MYPN: variants seen among roughly 807,000 people sequenced by gnomAD.
The protein encoded by MYPN is sarcomeric protein myopalladin, 145 kDa (MYOP).
A neutral mutation model predicts 129.4 loss-of-function variants in MYPN; 63 were observed. The observed-to-expected ratio is 0.49, with a 90% CI of 0.40 to 0.60. MYPN has a LOEUF of 0.60. Among genes scored for constraint, MYPN ranks in the 20% least tolerant of loss-of-function variants. The probability of loss-of-function intolerance (pLI) is 0.00; values close to 1 mark genes in which losing one functional copy is unlikely to be tolerated. For synonymous variants in MYPN, 629 were observed against 600.9 expected (o/e 1.05, Z -0.68); for missense variants, 1,596 against 1,635.4 (o/e 0.98, Z 0.42).
intron 4 of MYPN, among the ~76,000 whole-genome samples, chr10:68,147,291 AT>A (rs2134084546): frequency 6.6e-6 from 1 of 152,172 alleles, no homozygotes; most frequent in South Asian, 2.1e-4. Flanking sequence ...AGAAGCTGGA[AT>A]TACAGGCACA....
intron 1 of MYPN, among the ~76,000 whole-genome samples, chr10:68,115,537 A>G (rs2042145148): frequency 1.3e-5 from 2 of 152,204 alleles, no homozygotes; most frequent in Non-Finnish European, 1.5e-5. Flanking sequence ...GCTACCGCTC[A>G]TTGGTCCAAG....
rs773860716 is a variant in MYPN, at chr10:68,122,189, A to G, written c.751A>G (p.Thr251Ala). The G allele has an allele frequency of 3.1e-6, 5 of 1,609,690 alleles. No individual in the cohort carries two copies. The highest frequency in any genetic ancestry group is 2.2e-5 in the East Asian group (1 of 44,872). Residue 251 changes from threonine (T) to alanine (A), a missense_variant, in exon 2 of 20, where the codon ACA becomes GCA. Thr to Ala is a moderately conservative substitution (Grantham distance 58). Coordinates refer to ENST00000358913, the MANE Select transcript of MYPN (RefSeq NM_032578.4). ...CAGTGAGGCGGCTGGTGGAGACACTACACCAGGGTCTTCCCCTTCATCTCT... is the reference window on the plus strand; with the variant it reads ...CAGTGAGGCGGCTGGTGGAGACACTGCACCAGGGTCTTCCCCTTCATCTCT... Reference protein sequence around the residue: ...AASEAAGGDTTPGSSPSSLYY... With the variant: ...AASEAAGGDTAPGSSPSSLYY...
intron 1 of MYPN, among the ~76,000 whole-genome samples, chr10:68,111,412 T>C (rs1199196309): frequency 1.3e-5 from 2 of 152,150 alleles, no homozygotes; most frequent in Non-Finnish European, 2.9e-5. Context: ...TTCATTCACA[T>C]TGAGATTTGA....
chr10:68,159,997 A>G (rs549685764), intron 7 of MYPN, among the ~76,000 whole-genome samples: 1 of 152,216 alleles, frequency 6.6e-6, no homozygotes, highest in Non-Finnish European at 1.5e-5. Flanking sequence ...CTTTTTTCTT[A>G]ATCTTTTTCT....
intron 2 of MYPN, chr10:68,136,753 T>G (rs1008513707): frequency 2.6e-6 from 4 of 1,529,694 alleles, no homozygotes; most frequent in African/African-American, 1.4e-5. Flanking sequence ...AAATGTTCTC[T>G]AAATAATTTA....
intron 1 of MYPN, among the ~76,000 whole-genome samples, chr10:68,094,462 A>G (rs957516073): frequency 2.0e-5 from 3 of 151,848 alleles, no homozygotes; most frequent in Non-Finnish European, 4.4e-5. Context: ...GGGTTTCACC[A>G]TGTTGGCCAG....
rs370933904 is a variant in MYPN at position 68,185,536 on chromosome 10, C to T, written c.2704-3369C>T. Among the ~76,000 whole-genome samples the T allele has an allele frequency of 2.0e-4, 30 of 152,168 alleles. 2 individuals carry two copies. The highest frequency in any genetic ancestry group is 5.3e-4 in the African/African-American group (22 of 41,506). ...TATGAGCACAGGCACCCAGTCCACACCCCTCCCCACCAATGATCACAGAGC... is the reference window on the plus strand; with the variant it reads ...TATGAGCACAGGCACCCAGTCCACATCCCTCCCCACCAATGATCACAGAGC... On this transcript the variant is annotated intron_variant, in intron 12 of 19. Transcript: ENST00000358913.
At chr10:68,150,241 T>A in intron 6 of MYPN, 130 bp downstream of exon 6, 1 of 797,098 alleles carries the variant, frequency 1.3e-6, no homozygotes, top group Non-Finnish European at 2.1e-6. Flanking sequence ...GGGTTTGGGT[T>A]GTTTTGTTAG....
At chr10:68,117,665 A>G (rs2042177392) in intron 1 of MYPN, among the ~76,000 whole-genome samples, 1 of 152,208 alleles carries the variant, frequency 6.6e-6, no homozygotes, top group African/African-American at 2.4e-5. Flanking sequence ...TGAATTAACT[A>G]TGAATGTAGA....
At chr10:68,134,805 T>C (rs984485317) in intron 2 of MYPN, among the ~76,000 whole-genome samples, 3 of 151,824 alleles carry the variant, frequency 2.0e-5, no homozygotes, top group African/African-American at 7.3e-5. Context: ...AAAAAATAAA[T>C]TAATTAATTA....
chr10:68,164,206 T>A (rs562673892), intron 8 of MYPN, among the ~76,000 whole-genome samples: 16 of 152,280 alleles, frequency 1.1e-4, no homozygotes, highest in Admixed American at 1.0e-3. Context: ...AAGCCCAAGA[T>A]CAAGGGGCCT....
intron 1 of MYPN, among the ~76,000 whole-genome samples, chr10:68,112,669 G>T (rs900101371): frequency 6.6e-6 from 1 of 152,032 alleles, no homozygotes; most frequent in Non-Finnish European, 1.5e-5. Context: ...AAAAATTTTT[G>T]AGATAATGTG....
At chr10:68,098,952 G>A (rs200746756) in intron 1 of MYPN, among the ~76,000 whole-genome samples, 2 of 152,108 alleles carry the variant, frequency 1.3e-5, no homozygotes, top group African/African-American at 2.4e-5. Context: ...TAAAGTTCAC[G>A]AAGCAATTAC....
At chr10:68,136,465 C>A (rs1038689044) in intron 2 of MYPN, 1 of 1,054,380 alleles carries the variant, frequency 9.5e-7, no homozygotes, top group African/African-American at 1.6e-5. Context: ...GAGTATGGTT[C>A]CCCCTGACCC....
chr10:68,148,191 G>A (rs2042701691), intron 4 of MYPN, among the ~76,000 whole-genome samples, 162 bp from the exon 5 acceptor site: 1 of 152,120 alleles, frequency 6.6e-6, no homozygotes, highest in Non-Finnish European at 1.5e-5. Flanking sequence ...CTAACAAAAT[G>A]TGTAGCAAAA....
intron 4 of MYPN, among the ~76,000 whole-genome samples, chr10:68,145,890 A>G (rs1285321303): frequency 6.6e-6 from 1 of 152,066 alleles, no homozygotes; most frequent in Non-Finnish European, 1.5e-5. Context: ...CCCCCTTCCT[A>G]TATCATTCTC....
Position 68,194,445 on chromosome 10 carries a change from C to T in MYPN, c.3008C>T (p.Ser1003Phe), listed in dbSNP as rs779029734. ...AGGCGAGAAGGAGATGGGACATGCT[C>T]TCTGCACATTGAATCCACTACCAGT... ...KMRREGDGTCSLHIESTTSDD... is the reference protein window; with the variant it reads ...KMRREGDGTCFLHIESTTSDD... The change falls in exon 14 of 20, where the codon TCT becomes TTT. Residue 1003 changes from serine (S) to phenylalanine (F), a missense_variant. Transcript: ENST00000358913. 1.9e-6 allele frequency: 3 copies of T among 1,613,900 alleles called. No individual in the cohort carries two copies. The highest frequency in any genetic ancestry group is 2.5e-6 in the Non-Finnish European group (3 of 1,179,884).
intron 12 of MYPN, among the ~76,000 whole-genome samples, chr10:68,183,385 C>T (rs975489679): frequency 1.3e-5 from 2 of 152,056 alleles, no homozygotes; most frequent in African/African-American, 4.8e-5. Flanking sequence ...TGGCTTGCGC[C>T]CAGGAGGCAA....
intron 1 of MYPN, among the ~76,000 whole-genome samples, chr10:68,118,663 G>A (rs962944914): frequency 9.9e-5 from 15 of 151,972 alleles, no homozygotes; most frequent in Non-Finnish European, 2.2e-4. Flanking sequence ...GAGAGACCTC[G>A]TTCCTACAGA....
Sources: allele counts gnomAD v4.1 joint callset (sites outside exome capture counted in the v4.1 genomes callset), GRCh38; gene constraint gnomAD v4.1.1; transcripts MANE v1.5; gene names NCBI Gene and HGNC (gene_info 2026-07-23, HGNC 2026-07-21).